The following RELCH variants were observed in gnomAD, a reference collection of about 807,000 sequenced individuals.
The protein encoded by RELCH is RAB11-binding protein RELCH.
Under a neutral mutation model 150.3 loss-of-function variants are expected in RELCH, and 41 were observed. That is an observed-to-expected ratio of 0.27 (90% CI 0.21 to 0.35). RELCH has a LOEUF of 0.35. RELCH is among the 10% of genes least tolerant of loss of function. The pLI is 1.00. For missense variants in RELCH, 1,092 were observed against 1,467.8 expected, an observed-to-expected ratio of 0.74 and a Z score of 4.18; for synonymous variants, 478 against 531.8, an observed-to-expected ratio of 0.90 and a Z score of 1.39.
chr18:62,266,201 CA>C (rs2043552132), intron 18 of RELCH, among the ~76,000 whole-genome samples: 3 of 151,850 alleles, frequency 2.0e-5, no homozygotes, highest in Non-Finnish European at 4.4e-5. Flanking sequence ...TTTCATATTT[CA>C]ATTTGAAAAG....
At chr18:62,238,957 T>C (rs902952339) in intron 10 of RELCH, among the ~76,000 whole-genome samples, 3 of 152,134 alleles carry the variant, frequency 2.0e-5, no homozygotes, top group African/African-American at 7.2e-5. Flanking sequence ...TCCCGTCTTA[T>C]GAGAAACTAG....
intron 20 of RELCH, among the ~76,000 whole-genome samples, chr18:62,272,657 A>G (rs1280244011): frequency 6.6e-6 from 1 of 152,148 alleles, no homozygotes; most frequent in East Asian, 1.9e-4. Context: ...GGTAAATTAC[A>G]TTAAACAAAA....
At chr18:62,199,657 A>G (rs1399549615) in intron 1 of RELCH, among the ~76,000 whole-genome samples, 1 of 152,238 alleles carries the variant, frequency 6.6e-6, no homozygotes, top group East Asian at 1.9e-4. Context: ...GATTCCATCA[A>G]AGCTCTGTTT....
Position 62,307,572 on chromosome 18 carries a change from T to C in RELCH, c.*2038T>C, listed in dbSNP as rs375050840. The C allele has an allele frequency of 2.6e-4, 40 of 152,252 alleles. 4 individuals are homozygous for C. The highest frequency in any genetic ancestry group is 2.5e-3 in the South Asian group (12 of 4,824). 9.4% of individuals were successfully genotyped at this position (152,252 alleles called of 1,614,324 possible). A position where few individuals can be genotyped will look rare whatever the true frequency, so the allele number is the denominator to read the frequency against. On this transcript the variant is annotated 3_prime_UTR_variant, in exon 29 of 29. Transcript: ENST00000644646. The stretch of plus-strand genomic sequence containing the variant: ...ACATTGTGGTTTTGTTTTTTGTTTG[T>C]TTGTTTGTTTTTAGTAAAATATGTC...
In RELCH at chr18:62,287,892, G is replaced by A. The variant is rs2044893787; in HGVS notation, c.3370+425G>A. ...TGGAATATTATGAGTATCTCTTAGA[G>A]AGATATCACACATTGGACAAGTACA... On this transcript the variant is annotated intron_variant, in intron 26 of 28. Transcript: ENST00000644646. Among the ~76,000 whole-genome samples the A allele has an allele frequency of 2.0e-5, 3 of 152,102 alleles. No homozygotes were observed. The South Asian group carries it at 6.2e-4, about 31-fold the overall frequency.
intron 27 of RELCH, among the ~76,000 whole-genome samples, chr18:62,298,078 GTTTTATTTGCTTTATCCCCCC>G (rs1319772297): frequency 6.6e-6 from 1 of 150,514 alleles, no homozygotes; most frequent in East Asian, 1.9e-4. Context: ...AATATTGTCT[GTTTTATTTGCTTTATCCCCCC>G]CCGTCTAAAA....
Position 62,273,771 on chromosome 18 carries a change from C to T in RELCH, c.2761-209C>T, listed in dbSNP as rs2044039606. On this transcript the variant is annotated intron_variant, in intron 20 of 28. Transcript: ENST00000644646. ...GCTAGTGGCTACTACTATATTAGAC[C>T]ACAGGTCTAAATTAAAGTATCAAGA... is the stretch of plus-strand genomic sequence containing the variant. Among the ~76,000 whole-genome samples the T allele has an allele frequency of 6.6e-5, 10 of 152,150 alleles. No individual in the cohort carries two copies. The South Asian group carries it at 2.1e-3, about 32-fold the overall frequency.
At chr18:62,242,042 T>C (rs1350602859) in intron 10 of RELCH, among the ~76,000 whole-genome samples, 1 of 152,152 alleles carries the variant, frequency 6.6e-6, no homozygotes, top group African/African-American at 2.4e-5. Flanking sequence ...ACTCTCTGCA[T>C]TTTTCTTCCT....
Position 62,187,598 on chromosome 18 carries a change from A to G in RELCH, c.93A>G (p.Ala31=). ...DSDEDDDEVA[A]TEERRAVLRL... is the part of the protein sequence containing the mutation. Reference sequence around the variant, plus strand: ...ATGAGGACGATGACGAGGTAGCTGCAACAGAGGAACGGCGGGCAGTACTTC... The same window carrying G: ...ATGAGGACGATGACGAGGTAGCTGCGACAGAGGAACGGCGGGCAGTACTTC... Residue 31 remains alanine (A), a synonymous_variant, in exon 1 of 29, where the codon GCA becomes GCG. Coordinates refer to ENST00000644646, the MANE Select transcript of RELCH (RefSeq NM_001346231.2). 6.5e-7 allele frequency: 1 copy of G among 1,530,908 alleles called. No homozygotes were observed. Among genetic ancestry groups the G allele is most frequent in the African/African-American group, 1.4e-5 (1 of 72,236 alleles). The allele number at this position is 1,530,908 out of a possible 1,614,324, so 94.8% of individuals were successfully genotyped here.
At chr18:62,193,452 G>A (rs1479591723) in intron 1 of RELCH, among the ~76,000 whole-genome samples, 1 of 152,130 alleles carries the variant, frequency 6.6e-6, no homozygotes, top group Non-Finnish European at 1.5e-5. Context: ...AGTTTTCAAG[G>A]GGATTGCTTC....
chr18:62,207,917 C>T (rs1334561715), intron 1 of RELCH, among the ~76,000 whole-genome samples: 1 of 152,178 alleles, frequency 6.6e-6, no homozygotes, highest in Non-Finnish European at 1.5e-5. Context: ...CAGTATATAG[C>T]CATGTAGCCT....
At position 62,285,222 on chromosome 18, in the gene RELCH, G is replaced by GC. The variant is rs1423529875; in HGVS notation, c.3254-2128dup. ...ATGCCATCTCAGCTCACTGCAACCTGCGCCTCCCTGGTTCAAGTGATTCTC... is the reference window on the plus strand; with the variant it reads ...ATGCCATCTCAGCTCACTGCAACCTGCCGCCTCCCTGGTTCAAGTGATTCTC... On this transcript the variant is annotated intron_variant, in intron 25 of 28. Transcript: ENST00000644646. Among the ~76,000 whole-genome samples, 5 of 152,104 alleles carry GC rather than the reference G, an allele frequency of 3.3e-5. No homozygotes were observed. The South Asian group carries it at 6.2e-4, about 19-fold the overall frequency.
At chr18:62,295,811 G>C (rs1392543170) in intron 27 of RELCH, among the ~76,000 whole-genome samples, 1 of 152,062 alleles carries the variant, frequency 6.6e-6, no homozygotes, top group Non-Finnish European at 1.5e-5. Context: ...GGGTTCAAGC[G>C]ATCCACCCAC....
chr18:62,246,338 G>A (rs895897603), intron 11 of RELCH: 3 of 152,034 alleles, frequency 2.0e-5, no homozygotes, highest in Middle Eastern at 3.2e-3. Context: ...TAGATTCTGA[G>A]CTACTTTTTA....
rs2045457718 is a variant in RELCH, at chr18:62,297,305, G to A, written c.3460-1485G>A. On this transcript the variant is annotated intron_variant, in intron 27 of 28. Coordinates refer to ENST00000644646, the MANE Select transcript of RELCH (RefSeq NM_001346231.2). ...AGGTTTTTGCCAGATTTAACTTAAA[G>A]TGAAGTCTACTGATGCATAAAGAGA... Among the ~76,000 whole-genome samples the A allele has an allele frequency of 2.6e-5, 4 of 152,280 alleles. No individual in the cohort carries two copies. In the South Asian group the frequency reaches 8.3e-4, roughly 32 times the overall value.
At chr18:62,302,956 T>C (rs940006848) in intron 28 of RELCH, among the ~76,000 whole-genome samples, 27 of 152,192 alleles carry the variant, frequency 1.8e-4, no homozygotes, top group Admixed American at 1.7e-3. Context: ...GGATACACAT[T>C]ACAAGGTAGC....
chr18:62,261,388 G>C (rs1306903965), intron 15 of RELCH, 123 bp from the exon 16 acceptor site: 1 of 752,024 alleles, frequency 1.3e-6, no homozygotes, highest in African/African-American at 1.8e-5. Context: ...CTGCTTGTTT[G>C]AGTCCAACAT....
intron 28 of RELCH, among the ~76,000 whole-genome samples, chr18:62,301,596 T>C (rs1209222851): frequency 6.6e-6 from 1 of 152,176 alleles, no homozygotes; most frequent in Admixed American, 6.5e-5. Context: ...CACCTGGAAA[T>C]TGCTGAGTAC....
intron 1 of RELCH, among the ~76,000 whole-genome samples, chr18:62,199,079 A>G (rs929619259): frequency 4.0e-5 from 6 of 150,162 alleles, no homozygotes; most frequent in Admixed American, 6.6e-5. Flanking sequence ...TTAATATTCT[A>G]TTTTCTTGCC....
Sources: allele counts gnomAD v4.1 joint callset (sites outside exome capture counted in the v4.1 genomes callset), GRCh38; gene constraint gnomAD v4.1.1; transcripts MANE v1.5; gene names NCBI Gene and HGNC (gene_info 2026-07-23, HGNC 2026-07-21).